The following DLG2 variants were observed in gnomAD, a reference collection of about 807,000 sequenced individuals.
The protein encoded by DLG2 is discs large MAGUK scaffold protein 2, also known as disks large homolog 2.
Under a neutral mutation model 132.5 loss-of-function variants are expected in DLG2, and 45 were observed. The observed-to-expected ratio is 0.34, with a 90% CI of 0.27 to 0.44. The LOEUF (loss-of-function observed/expected upper bound fraction) is 0.44. Ranked by LOEUF, DLG2 falls within the 20% of genes least tolerant of loss-of-function variation. The pLI is 1.00. For synonymous variants in DLG2, 424 were observed against 419.6 expected (o/e 1.01, Z -0.13); for missense variants, 1,045 against 1,196.9 (o/e 0.87, Z 1.87).
At chr11:84,671,015 C>T (rs2099705261) in intron 6 of DLG2, among the ~76,000 whole-genome samples, 1 of 152,104 alleles carries the variant, frequency 6.6e-6, no homozygotes, top group Admixed American at 6.6e-5. Context: ...AGTGCATACC[C>T]TGTGGGGTAA....
At chr11:84,973,018 C>T (rs1433497640) in intron 6 of DLG2, among the ~76,000 whole-genome samples, 4 of 149,488 alleles carry the variant, frequency 2.7e-5, no homozygotes, top group Admixed American at 6.7e-5. Context: ...AGGGCAGTGG[C>T]GCGATCTCAG....
intron 6 of DLG2, among the ~76,000 whole-genome samples, chr11:84,770,945 C>A (rs1262222024): frequency 6.6e-6 from 1 of 152,068 alleles, no homozygotes; most frequent in Non-Finnish European, 1.5e-5. Context: ...AGCCACTGCG[C>A]TCAGCCGATT....
At chr11:83,657,954 AG>A (rs1156293870) in intron 18 of DLG2, among the ~76,000 whole-genome samples, 4 of 152,322 alleles carry the variant, frequency 2.6e-5, no homozygotes, top group Non-Finnish European at 5.9e-5. Context: ...CACATATCAA[AG>A]AAGACATGGC....
intron 6 of DLG2, among the ~76,000 whole-genome samples, chr11:84,584,538 T>A (rs1426824838): frequency 1.3e-5 from 2 of 151,432 alleles, no homozygotes; most frequent in Admixed American, 1.3e-4. Flanking sequence ...ATTATTATTT[T>A]ATAGAGATGG....
At chr11:85,102,866 G>A (rs1390552818) in intron 6 of DLG2, among the ~76,000 whole-genome samples, 1 of 151,940 alleles carries the variant, frequency 6.6e-6, no homozygotes, top group East Asian at 1.9e-4. Context: ...GTCTCGTACA[G>A]TATCTAGAAA....
intron 8 of DLG2, among the ~76,000 whole-genome samples, chr11:84,234,513 A>G (rs1034234057): frequency 2.6e-5 from 4 of 152,212 alleles, no homozygotes; most frequent in African/African-American, 9.6e-5. Context: ...TATGTATTAG[A>G]CAAAGTGACA....
intron 3 of DLG2, among the ~76,000 whole-genome samples, chr11:85,436,560 A>G (rs1199354225): frequency 1.3e-5 from 2 of 152,188 alleles, no homozygotes; most frequent in Non-Finnish European, 2.9e-5. Flanking sequence ...TGAAAAAAAC[A>G]CAGCATCATT....
chr11:83,590,309 T>A (rs186044346), intron 19 of DLG2, among the ~76,000 whole-genome samples: 31 of 152,236 alleles, frequency 2.0e-4, no homozygotes, highest in Non-Finnish European at 4.1e-4. Context: ...CACACTGCAA[T>A]CAAACTAGAA....
intron 3 of DLG2, among the ~76,000 whole-genome samples, chr11:85,335,391 A>T (rs1384545371): frequency 1.3e-5 from 2 of 152,068 alleles, no homozygotes; most frequent in East Asian, 3.9e-4. Context: ...TTTGCCTTTT[A>T]TTGGGGCATT....
At chr11:84,114,695 C>T (rs1300168359) in intron 9 of DLG2, among the ~76,000 whole-genome samples, 1 of 151,982 alleles carries the variant, frequency 6.6e-6, no homozygotes, top group South Asian at 2.1e-4. Flanking sequence ...ACTTCACATT[C>T]TTTTTCTTTT....
At chr11:85,498,980 A>T (rs1157133534) in intron 3 of DLG2, among the ~76,000 whole-genome samples, 1 of 152,214 alleles carries the variant, frequency 6.6e-6, no homozygotes, top group Non-Finnish European at 1.5e-5. Flanking sequence ...TGCCCACAAG[A>T]GAAAGCTGAA....
At chr11:83,613,196 G>A (rs2060354284) in intron 19 of DLG2, among the ~76,000 whole-genome samples, 1 of 152,180 alleles carries the variant, frequency 6.6e-6, no homozygotes, top group Non-Finnish European at 1.5e-5. Context: ...GGAGTGAGGA[G>A]CAGTGTACTA....
At chr11:84,418,946 T>C (rs1321919849) in intron 7 of DLG2, among the ~76,000 whole-genome samples, 2 of 152,312 alleles carry the variant, frequency 1.3e-5, no homozygotes, top group East Asian at 1.9e-4. Flanking sequence ...CTTTAGTATA[T>C]GCAAAACTTT....
chr11:85,191,059 G>A (rs2080492436), intron 4 of DLG2, among the ~76,000 whole-genome samples: 1 of 152,048 alleles, frequency 6.6e-6, no homozygotes, highest in Admixed American at 6.5e-5. Context: ...AAAGACACCT[G>A]CACTCATATG....
intron 3 of DLG2, among the ~76,000 whole-genome samples, chr11:85,334,178 G>C (rs1014123595): frequency 6.6e-6 from 1 of 152,026 alleles, no homozygotes; most frequent in Non-Finnish European, 1.5e-5. Flanking sequence ...ATGGTTCTAG[G>C]AGTTTATCCA....
intron 7 of DLG2, among the ~76,000 whole-genome samples, chr11:84,378,661 T>G (rs973637108): frequency 6.6e-6 from 1 of 151,946 alleles, no homozygotes; most frequent in Non-Finnish European, 1.5e-5. Flanking sequence ...CCAGGCGCGG[T>G]GGCTCACACC....
intron 6 of DLG2, among the ~76,000 whole-genome samples, chr11:85,013,825 T>C (rs547087710): frequency 2.6e-5 from 4 of 152,332 alleles, no homozygotes; most frequent in African/African-American, 9.6e-5. Context: ...ATGACGTTCA[T>C]GTGAGCAGCA....
chr11:85,203,248 G>T (rs1460659643), intron 4 of DLG2, among the ~76,000 whole-genome samples: 3 of 151,374 alleles, frequency 2.0e-5, no homozygotes, highest in African/African-American at 7.3e-5. Context: ...ATGAAAATCT[G>T]GTTTTTTAAA....
chr11:84,140,388 T>C (rs905481164), intron 9 of DLG2, among the ~76,000 whole-genome samples: 14 of 152,188 alleles, frequency 9.2e-5, no homozygotes, highest in African/African-American at 3.4e-4. Context: ...ATATACATTA[T>C]GTCAAACAAG....
Sources: allele counts gnomAD v4.1 joint callset (sites outside exome capture counted in the v4.1 genomes callset), GRCh38; gene constraint gnomAD v4.1.1; transcripts MANE v1.5; gene names NCBI Gene and HGNC (gene_info 2026-07-23, HGNC 2026-07-21).